SSBP2: variants seen among roughly 807,000 people sequenced by gnomAD.
The protein encoded by SSBP2 is single-stranded DNA-binding protein 2.
SSBP2 carries 17 observed loss-of-function variants against 61.8 expected under a neutral mutation model. The observed-to-expected ratio is 0.28, with a 90% CI of 0.19 to 0.41. SSBP2 has a LOEUF of 0.41. SSBP2 is among the 10% of genes least tolerant of loss of function. SSBP2 has a pLI of 1.00. For synonymous variants in SSBP2, 139 were observed against 141.3 expected, an observed-to-expected ratio of 0.98 and a Z score of 0.12; for missense variants, 310 against 458.7, an observed-to-expected ratio of 0.68 and a Z score of 2.96.
chr5:81,476,586 C>A (rs1362226719), intron 6 of SSBP2, among the ~76,000 whole-genome samples: 2 of 152,154 alleles, frequency 1.3e-5, no homozygotes, highest in Admixed American at 6.5e-5. Context: ...CATTAGAGGG[C>A]AAATTATGTT....
intron 4 of SSBP2, among the ~76,000 whole-genome samples, chr5:81,570,947 C>T (rs913874384): frequency 6.6e-6 from 1 of 152,174 alleles, no homozygotes; most frequent in Non-Finnish European, 1.5e-5. Context: ...CACATTATAG[C>T]TCTAAAAGAT....
chr5:81,634,506 C>T (rs1184323290), intron 3 of SSBP2, among the ~76,000 whole-genome samples: 6 of 152,162 alleles, frequency 3.9e-5, no homozygotes, highest in Non-Finnish European at 8.8e-5. Flanking sequence ...TCAAGGGCCA[C>T]GGTCATTTAT....
chr5:81,725,561 T>A (rs1045077386), intron 1 of SSBP2, among the ~76,000 whole-genome samples: 3 of 151,966 alleles, frequency 2.0e-5, no homozygotes, highest in African/African-American at 7.2e-5. Flanking sequence ...TGTATGAAAA[T>A]GAAAATCAAA....
At chr5:81,526,971 C>CA (rs1264309305) in intron 4 of SSBP2, among the ~76,000 whole-genome samples, 3 of 151,146 alleles carry the variant, frequency 2.0e-5, no homozygotes, top group East Asian at 3.9e-4. Flanking sequence ...CAACAAAAAA[C>CA]AAAAAAACAA....
At chr5:81,717,811 A>G (rs1370868007) in intron 1 of SSBP2, among the ~76,000 whole-genome samples, 1 of 152,190 alleles carries the variant, frequency 6.6e-6, no homozygotes, top group Admixed American at 6.5e-5. Context: ...TTTCCTAAGA[A>G]GAGTTTTCTG....
At chr5:81,578,158 T>C (rs1018232338) in intron 4 of SSBP2, among the ~76,000 whole-genome samples, 1 of 152,090 alleles carries the variant, frequency 6.6e-6, no homozygotes, top group Non-Finnish European at 1.5e-5. Context: ...ATTATTCACA[T>C]AGATTCATAT....
At chr5:81,422,602 C>T (rs1332490461) in intron 16 of SSBP2, among the ~76,000 whole-genome samples, 1 of 151,992 alleles carries the variant, frequency 6.6e-6, no homozygotes, top group Non-Finnish European at 1.5e-5. Context: ...TTGAACTGAT[C>T]CTGTATGTAG....
chr5:81,443,004 GAT>G (rs910329368), intron 12 of SSBP2: 1 of 213,490 alleles, frequency 4.7e-6, no homozygotes, highest in African/African-American at 2.3e-5. Flanking sequence ...TTTTAAAAAA[GAT>G]ACTTTTTTAC....
At chr5:81,664,306 T>C (rs1475051453) in intron 1 of SSBP2, among the ~76,000 whole-genome samples, 3 of 151,812 alleles carry the variant, frequency 2.0e-5, no homozygotes, top group Non-Finnish European at 4.4e-5. Context: ...TTTTTTGTAT[T>C]TTTAGTAGAG....
chr5:81,602,700 A>T (rs767769021), intron 4 of SSBP2, among the ~76,000 whole-genome samples: 5 of 152,100 alleles, frequency 3.3e-5, no homozygotes, highest in Non-Finnish European at 4.4e-5. Context: ...TTTTTAGCTC[A>T]GTTTTCTCTA....
At chr5:81,463,959 G>T (rs1194279357) in intron 9 of SSBP2, among the ~76,000 whole-genome samples, 1 of 151,582 alleles carries the variant, frequency 6.6e-6, no homozygotes, top group East Asian at 1.9e-4. Context: ...AGTTTAGATG[G>T]GGTCTCCCTA....
chr5:81,445,108 G>C (rs1763289349), intron 12 of SSBP2, among the ~76,000 whole-genome samples: 1 of 129,970 alleles, frequency 7.7e-6, no homozygotes, highest in South Asian at 2.5e-4. Flanking sequence ...GGGTGACAGA[G>C]GCTCTGTCTC....
At chr5:81,441,739 T>G (rs1246584947) in intron 13 of SSBP2, among the ~76,000 whole-genome samples, 2 of 152,194 alleles carry the variant, frequency 1.3e-5, no homozygotes, top group African/African-American at 4.8e-5. Context: ...TTGGTAAAAT[T>G]GAGTATCTAA....
chr5:81,446,119 A>T (rs969648697), intron 12 of SSBP2, among the ~76,000 whole-genome samples: 6 of 152,158 alleles, frequency 3.9e-5, no homozygotes, highest in Admixed American at 1.3e-4. Flanking sequence ...CTTGGGTTGT[A>T]TCTCTGTCAT....
intron 4 of SSBP2, among the ~76,000 whole-genome samples, chr5:81,520,873 A>G (rs929508731): frequency 2.6e-5 from 4 of 152,058 alleles, no homozygotes; most frequent in African/African-American, 9.7e-5. Context: ...CATTAGCACA[A>G]TGTTTATCTT....
At chr5:81,635,643 G>A (rs1748148917) in intron 3 of SSBP2, among the ~76,000 whole-genome samples, 1 of 150,518 alleles carries the variant, frequency 6.6e-6, no homozygotes. Context: ...GAGTGCAGTG[G>A]TGCAATCTCG....
At chr5:81,570,378 G>T (rs1246533413) in intron 4 of SSBP2, among the ~76,000 whole-genome samples, 1 of 152,112 alleles carries the variant, frequency 6.6e-6, no homozygotes, top group Non-Finnish European at 1.5e-5. Context: ...TTTAATCTTT[G>T]AGGTATCTGA....
At chr5:81,543,722 A>G (rs1261075538) in intron 4 of SSBP2, among the ~76,000 whole-genome samples, 3 of 152,208 alleles carry the variant, frequency 2.0e-5, no homozygotes, top group Non-Finnish European at 4.4e-5. Flanking sequence ...CTTCAACTAT[A>G]CATGCTATAT....
At chr5:81,567,995 A>G (rs1773565714) in intron 4 of SSBP2, among the ~76,000 whole-genome samples, 1 of 152,110 alleles carries the variant, frequency 6.6e-6, no homozygotes, top group South Asian at 2.1e-4. Flanking sequence ...AAGGAACTTG[A>G]TGGAGGAAGG....
Sources: allele counts gnomAD v4.1 joint callset (sites outside exome capture counted in the v4.1 genomes callset), GRCh38; gene constraint gnomAD v4.1.1; transcripts MANE v1.5; gene names NCBI Gene and HGNC (gene_info 2026-07-23, HGNC 2026-07-21).